GRIN2A: variants seen among roughly 807,000 people sequenced by gnomAD.
GRIN2A encodes glutamate ionotropic receptor NMDA type subunit 2A.
A neutral mutation model predicts 113.4 loss-of-function variants in GRIN2A; 22 were observed. That is an observed-to-expected ratio of 0.19 (90% CI 0.14 to 0.28). The LOEUF (loss-of-function observed/expected upper bound fraction) is 0.28. GRIN2A is among the 10% of genes least tolerant of loss of function. The pLI is 1.00. For synonymous variants in GRIN2A, 827 were observed against 738.4 expected, an observed-to-expected ratio of 1.12 and a Z score of -1.94; for missense variants, 1,502 against 1,887.0, an observed-to-expected ratio of 0.80 and a Z score of 3.78.
At chr16:10,133,670 T>C (rs1034915217) in intron 2 of GRIN2A, among the ~76,000 whole-genome samples, 2 of 152,140 alleles carry the variant, frequency 1.3e-5, no homozygotes, top group Admixed American at 1.3e-4. Context: ...TAAAATCTTA[T>C]CTCAATCACC....
chr16:9,788,767 G>C (rs1902407764), intron 11 of GRIN2A, among the ~76,000 whole-genome samples: 1 of 131,528 alleles, frequency 7.6e-6, no homozygotes, highest in Admixed American at 8.2e-5. Flanking sequence ...TTCTGAGACA[G>C]AGTCTCATTT....
chr16:10,158,133 C>T (rs577120847), intron 2 of GRIN2A, among the ~76,000 whole-genome samples: 2 of 152,070 alleles, frequency 1.3e-5, no homozygotes, highest in Non-Finnish European at 2.9e-5. Context: ...GCCTCTCGAG[C>T]AGCTGGGACC....
chr16:10,180,039 A>G lies in GRIN2A; in HGVS notation c.373T>C (p.Leu125=). 6.2e-7 allele frequency: 1 copy of G among 1,613,974 alleles called. No homozygotes were observed. Among genetic ancestry groups the G allele is most frequent in the Non-Finnish European group, 8.5e-7 (1 of 1,179,836 alleles). ...FISSHTFVPI[L]GIHGGASMIM... ...ATAGATGCGCCCCCATGAATGCCCA[A>G]GATGGGGACGAAGGTGTGGGAGGAG... is the stretch of plus-strand genomic sequence containing the variant. Residue 125 remains leucine, a synonymous_variant, in exon 2 of 13, where the codon TTG becomes CTG. Transcript: ENST00000330684. This position sits in a 1 kb window ranked among gnomAD's most constrained non-coding sequence, Gnocchi z 7.0.
chr16:9,762,897 T>A lies in GRIN2A; in HGVS notation c.*252A>T. 1 of 570,158 alleles carries A rather than the reference T, an allele frequency of 1.8e-6. No individual in the cohort carries two copies. The highest frequency in any genetic ancestry group is 3.1e-6 in the Non-Finnish European group (1 of 319,490). The allele number at this position is 570,158 out of a possible 1,614,324, so 35.3% of individuals were successfully genotyped here. The stretch of plus-strand genomic sequence containing the variant: ...GGCATGTCCCGGAGACTTGCCCTTA[T>A]GTAGTTAGTTATTTTTGGTTAAGGA... On this transcript the variant is annotated 3_prime_UTR_variant, in exon 13 of 13. Transcript: ENST00000330684.
rs1784589315 is a variant in GRIN2A, at chr16:9,829,581, C to T, written c.1849G>A (p.Val617Met). The T allele has an allele frequency of 1.2e-6, 2 of 1,613,928 alleles. No homozygotes were observed. The highest frequency in any genetic ancestry group is 1.7e-6 in the Non-Finnish European group (2 of 1,179,910). The change falls in exon 9 of 13, where the codon GTG becomes ATG. Residue 617 changes from valine to methionine, a missense_variant. This residue lies in a region of GRIN2A where 82 missense variants were observed against 222.7 expected (regional missense o/e 0.37). Transcript: ENST00000330684. ...GTCCCTTTAGGATTCTGGACAGGCA[C>T]GGAGTTATTGAACACCAGGCCCCAA... Reference protein sequence around the residue: ...LLWGLVFNNSVPVQNPKGTTS... With the variant: ...LLWGLVFNNSMPVQNPKGTTS...
chr16:10,028,930 A>G (rs2046874119), intron 2 of GRIN2A, among the ~76,000 whole-genome samples: 1 of 152,256 alleles, frequency 6.6e-6, no homozygotes, highest in Non-Finnish European at 1.5e-5. Context: ...GTGCTAAGGC[A>G]TTAAAATTTT....
At position 10,180,447 on chromosome 16, in the gene GRIN2A, A is replaced by AGAG; in HGVS notation, c.-18-21_-18-19dup. ...GACGGTCCCTGCAAGGTGAAGAGTGAGAGGCAGGGCCGCGGTGAGCAAGGC... is the reference window on the plus strand; with the variant it reads ...GACGGTCCCTGCAAGGTGAAGAGTGAGAGGAGGCAGGGCCGCGGTGAGCAAGGC... On this transcript the variant is annotated intron_variant, in intron 1 of 12. Coordinates refer to ENST00000330684, the MANE Select transcript of GRIN2A (RefSeq NM_001134407.3). The surrounding 1 kb of genome is among the most constrained non-coding windows in gnomAD (Gnocchi z 7.0). 6.3e-7 allele frequency: 1 copy of AGAG among 1,594,684 alleles called. No individual in the cohort carries two copies. Among genetic ancestry groups the AGAG allele is most frequent in the Non-Finnish European group, 8.5e-7 (1 of 1,176,212 alleles).
At chr16:10,063,071 C>T (rs1596471798) in intron 2 of GRIN2A, among the ~76,000 whole-genome samples, 1 of 152,080 alleles carries the variant, frequency 6.6e-6, no homozygotes, top group South Asian at 2.1e-4. Context: ...ATGTTATTTG[C>T]CGCAACATGG....
At chr16:9,807,683 G>A (rs1052487275) in intron 10 of GRIN2A, among the ~76,000 whole-genome samples, 24 of 152,178 alleles carry the variant, frequency 1.6e-4, no homozygotes, top group African/African-American at 4.1e-4. Flanking sequence ...AGAGATCTCC[G>A]CCCAATTTTT....
chr16:9,862,772 G>A (rs2043092779), intron 4 of GRIN2A, among the ~76,000 whole-genome samples: 1 of 152,118 alleles, frequency 6.6e-6, no homozygotes, highest in South Asian at 2.1e-4. Flanking sequence ...TAATGCCAGA[G>A]ACTTGAAAAA....
At chr16:9,792,243 G>T (rs979834569) in intron 11 of GRIN2A, among the ~76,000 whole-genome samples, 1 of 152,064 alleles carries the variant, frequency 6.6e-6, no homozygotes, top group African/African-American at 2.4e-5. Context: ...ATTTTTTGGA[G>T]ACAAGGTCTC....
chr16:9,935,262 G>A (rs542869018), intron 3 of GRIN2A, among the ~76,000 whole-genome samples: 56 of 152,166 alleles, frequency 3.7e-4, no homozygotes, highest in African/African-American at 1.2e-3. Flanking sequence ...CATTAGCCTC[G>A]TTTGTGTCTT....
At chr16:9,792,691 G>T (rs1229265789) in intron 11 of GRIN2A, among the ~76,000 whole-genome samples, 1 of 152,026 alleles carries the variant, frequency 6.6e-6, no homozygotes, top group Non-Finnish European at 1.5e-5. Flanking sequence ...AATGACCTCA[G>T]ACTAGATGTC....
rs116279384 is a variant in GRIN2A, at chr16:9,801,652, G to A, written c.2169-3188C>T. On this transcript the variant is annotated intron_variant, in intron 10 of 12. Transcript: ENST00000330684. ...AAGGAATAAAGGAAGTTTTCTTTGG[G>A]AACAAAGTTTATAAAAGCACAATGC... 1.2e-3 allele frequency among the ~76,000 whole-genome samples: 181 copies of A among 152,348 alleles called. 1 individual carries two copies. Among genetic ancestry groups the A allele is most frequent in the African/African-American group, 4.1e-3 (170 of 41,576 alleles).
intron 2 of GRIN2A, among the ~76,000 whole-genome samples, chr16:10,156,737 A>C (rs2049705131): frequency 6.6e-6 from 1 of 152,216 alleles, no homozygotes; most frequent in Non-Finnish European, 1.5e-5. Flanking sequence ...GCAAAGCGGG[A>C]CTAACAATGA....
chr16:9,814,041 C>T (rs890456862), intron 10 of GRIN2A, among the ~76,000 whole-genome samples: 2 of 152,166 alleles, frequency 1.3e-5, no homozygotes, highest in Admixed American at 6.5e-5. Context: ...AGTGACAACC[C>T]TTATACTCTC....
Position 10,089,871 on chromosome 16 carries a change from T to C in GRIN2A, c.414+90127A>G, listed in dbSNP as rs116735275. On this transcript the variant is annotated intron_variant, in intron 2 of 12. Transcript: ENST00000330684. The stretch of plus-strand genomic sequence containing the variant: ...TAATTCCATCCTCCTCCAGGAGCTA[T>C]GATGGGTGGGAAATAAAACCGATGA... Among the ~76,000 whole-genome samples, 1,496 of 152,270 alleles carry C rather than the reference T, an allele frequency of 9.8e-3. 26 individuals are homozygous for C. Among genetic ancestry groups the C allele is most frequent in the African/African-American group, 0.034 (1,406 of 41,544 alleles).
rs778251194 is a variant in GRIN2A, at chr16:9,840,756, G to A, written c.1542C>T (p.Ile514=). 6.2e-7 allele frequency: 1 copy of A among 1,601,684 alleles called. No individual in the cohort carries two copies. Among genetic ancestry groups the A allele is most frequent in the Admixed American group, 1.7e-5 (1 of 58,710 alleles). ...CCACCACTTCAGAACGTTCCTCATT[G>A]ATGGTGAGCGAGCCAACTGCCATGA... The part of the protein sequence containing the change: ...RAVMAVGSLT[I]NEERSEVVDF... Residue 514 remains isoleucine (I), a synonymous_variant, in exon 7 of 13, where the codon ATC becomes ATT. Coordinates refer to ENST00000330684, the MANE Select transcript of GRIN2A (RefSeq NM_001134407.3).
chr16:10,146,747 G>A (rs1432566824), intron 2 of GRIN2A, among the ~76,000 whole-genome samples: 1 of 152,006 alleles, frequency 6.6e-6, no homozygotes, highest in Non-Finnish European at 1.5e-5. Flanking sequence ...CTAAATAATG[G>A]AATCCACGTG....
Sources: allele counts gnomAD v4.1 joint callset (sites outside exome capture counted in the v4.1 genomes callset), GRCh38; gene constraint gnomAD v4.1.1; regional missense constraint gnomAD v4.1.1; non-coding constraint Gnocchi (gnomAD v3.1); transcripts MANE v1.5; gene names NCBI Gene and HGNC (gene_info 2026-07-23, HGNC 2026-07-21).